TRAPPC9: variants seen among roughly 807,000 people sequenced by gnomAD.
TRAPPC9 encodes IKK2 binding protein.
Under a neutral mutation model 124.0 loss-of-function variants are expected in TRAPPC9, and 83 were observed. The observed-to-expected ratio is 0.67, with a 90% CI of 0.56 to 0.80. The LOEUF (loss-of-function observed/expected upper bound fraction) is 0.80. TRAPPC9 is among the 30% of genes least tolerant of loss of function. TRAPPC9 has a pLI of 0.00. For missense variants in TRAPPC9, 1,302 were observed against 1,508.3 expected, an observed-to-expected ratio of 0.86 and a Z score of 2.27; for synonymous variants, 638 against 617.5, an observed-to-expected ratio of 1.03 and a Z score of -0.49.
At chr8:139,960,922 C>T (rs1835337672) in intron 19 of TRAPPC9, among the ~76,000 whole-genome samples, 1 of 125,362 alleles carries the variant, frequency 8.0e-6, no homozygotes, top group South Asian at 2.6e-4. Context: ...GGTGGCTTAA[C>T]CCCTAACGTT....
intron 19 of TRAPPC9, among the ~76,000 whole-genome samples, chr8:139,987,834 C>T (rs1220126906): frequency 6.6e-6 from 1 of 152,162 alleles, no homozygotes; most frequent in Non-Finnish European, 1.5e-5. Flanking sequence ...CTGAGCTCCA[C>T]CTGCCTCCGG....
rs1011493401 is a variant in TRAPPC9 at position 139,735,399 on chromosome 8, T to C, written c.3056-3197A>G. Among the ~76,000 whole-genome samples, 8 of 152,316 alleles carry C rather than the reference T, an allele frequency of 5.3e-5. No homozygotes were observed. In the East Asian group the frequency reaches 1.4e-3, roughly 26 times the overall value. ...TCGTCTCCAGCCTTGGTTACCTGTCTGTGCTGTGCAACCCAGCACAGGGAG... is the reference window on the plus strand; with the variant it reads ...TCGTCTCCAGCCTTGGTTACCTGTCCGTGCTGTGCAACCCAGCACAGGGAG... On this transcript the variant is annotated intron_variant, in intron 21 of 22. Transcript: ENST00000438773.
chr8:140,426,731 G>A, intron 4 of TRAPPC9, 90 bp from the exon 5 acceptor site: 2 of 1,267,304 alleles, frequency 1.6e-6, no homozygotes, highest in Non-Finnish European at 2.3e-6. Flanking sequence ...AATTCACATA[G>A]CCTAGAGAAA....
intron 17 of TRAPPC9, among the ~76,000 whole-genome samples, chr8:140,133,592 T>A (rs1290742334): frequency 1.3e-5 from 2 of 152,010 alleles, no homozygotes; most frequent in African/African-American, 4.8e-5. Context: ...ATAAAAGGCA[T>A]CCAAATTAGA....
intron 19 of TRAPPC9, among the ~76,000 whole-genome samples, chr8:139,947,918 A>C (rs55894744): frequency 0.04 from 2,433 of 61,264 alleles, 220 homozygotes; most frequent in African/African-American, 0.11. Context: ...AGAGAGAGAG[A>C]GAGAGCGAGA....
intron 9 of TRAPPC9, among the ~76,000 whole-genome samples, chr8:140,326,742 G>A (rs554342634): frequency 3.3e-5 from 5 of 152,244 alleles, no homozygotes; most frequent in South Asian, 2.1e-4. Flanking sequence ...TTAGCTGGGC[G>A]TAATGGCATG....
chr8:139,885,980 G>C lies in TRAPPC9; in HGVS notation c.2965-11C>G. ...GCGCTTCAGGGAGGGGTGAGCCTTG[G>C]TCAAGGAAAACGCAACTCCTGCGGA... On this transcript the variant is annotated splice_polypyrimidine_tract_variant and intron_variant, in intron 20 of 22. Coordinates refer to ENST00000438773, the MANE Select transcript of TRAPPC9 (RefSeq NM_001160372.4). 1.3e-6 allele frequency: 2 copies of C among 1,559,740 alleles called. No homozygotes were observed. Among genetic ancestry groups the C allele is most frequent in the Admixed American group, 1.9e-5 (1 of 52,152 alleles).
intron 18 of TRAPPC9, among the ~76,000 whole-genome samples, chr8:139,998,267 A>C (rs1838168256): frequency 6.6e-6 from 1 of 152,276 alleles, no homozygotes; most frequent in African/African-American, 2.4e-5. Flanking sequence ...AAAATTAAGA[A>C]TCTCAGTCAT....
In TRAPPC9 at chr8:139,825,743, C is replaced by T. The variant is rs1053113931; in HGVS notation, c.3055+60136G>A. ...GATACCGCCGAGCAGCCAGCTTGCC[C>T]GGAAGGAAAAAGGGAGGCAATTCCG... On this transcript the variant is annotated intron_variant, in intron 21 of 22. Coordinates refer to ENST00000438773, the MANE Select transcript of TRAPPC9 (RefSeq NM_001160372.4). This position sits in a 1 kb window ranked among gnomAD's most constrained non-coding sequence, Gnocchi z 4.6. Among the ~76,000 whole-genome samples the T allele has an allele frequency of 1.6e-4, 25 of 151,932 alleles. No homozygotes were observed. The highest frequency in any genetic ancestry group is 7.4e-5 in the Non-Finnish European group (5 of 67,998).
chr8:140,137,806 G>T (rs1471940563), intron 17 of TRAPPC9, among the ~76,000 whole-genome samples: 2 of 152,148 alleles, frequency 1.3e-5, no homozygotes, highest in East Asian at 3.8e-4. Flanking sequence ...AAGTAACGAG[G>T]TTAGCATTTA....
intron 17 of TRAPPC9, among the ~76,000 whole-genome samples, chr8:140,120,622 G>A (rs139824591): frequency 1.2e-4 from 13 of 107,654 alleles, no homozygotes; most frequent in East Asian, 6.1e-4. Flanking sequence ...CCATCCATCC[G>A]TCCAACATCC....
chr8:139,842,939 G>A (rs1219088893), intron 21 of TRAPPC9, among the ~76,000 whole-genome samples: 1 of 152,252 alleles, frequency 6.6e-6, no homozygotes, highest in Non-Finnish European at 1.5e-5. Flanking sequence ...GGTCCGGGCA[G>A]GTGAAGGAAC....
At chr8:139,881,920 C>A (rs1829698681) in intron 21 of TRAPPC9, among the ~76,000 whole-genome samples, 1 of 152,200 alleles carries the variant, frequency 6.6e-6, no homozygotes, top group South Asian at 2.1e-4. Context: ...CTGAAGAGCT[C>A]CTGCCTGGGC....
chr8:140,156,665 A>G (rs1435380292), intron 17 of TRAPPC9, among the ~76,000 whole-genome samples: 1 of 152,214 alleles, frequency 6.6e-6, no homozygotes, highest in African/African-American at 2.4e-5. Context: ...CTGCAGAAAC[A>G]GAAGATGCAG....
intron 17 of TRAPPC9, among the ~76,000 whole-genome samples, chr8:140,133,364 G>A (rs143639805): frequency 6.5e-4 from 99 of 152,202 alleles, no homozygotes; most frequent in African/African-American, 1.7e-3. Flanking sequence ...ATCCTTTCAC[G>A]ATAAAACATA....
At chr8:140,342,970 A>G (rs1164429629) in intron 9 of TRAPPC9, among the ~76,000 whole-genome samples, 1 of 152,246 alleles carries the variant, frequency 6.6e-6, no homozygotes, top group East Asian at 1.9e-4. Flanking sequence ...CGAACCCCGT[A>G]TATTTTAGTC....
intron 17 of TRAPPC9, among the ~76,000 whole-genome samples, chr8:140,025,095 G>T (rs969457266): frequency 3.9e-5 from 6 of 152,226 alleles, no homozygotes; most frequent in African/African-American, 1.4e-4. Context: ...CACTCAGGAT[G>T]GCTGGGGACC....
At chr8:140,390,330 ATAAATATCAACTCCCACGAAATAAGTATC>A (rs1172574443) in intron 7 of TRAPPC9, among the ~76,000 whole-genome samples, 1 of 152,124 alleles carries the variant, frequency 6.6e-6, no homozygotes, top group Non-Finnish European at 1.5e-5. Context: ...ATAAAAAGAG[ATAAATATCAACTCCCACGAAATAAGTATC>A]TGCACCAACT....
In TRAPPC9 at chr8:139,730,953, G is replaced by C; in HGVS notation, c.*108C>G. On this transcript the variant is annotated 3_prime_UTR_variant, in exon 23 of 23. Transcript: ENST00000438773. The stretch of plus-strand genomic sequence containing the variant: ...AGAGGGCTGGGAGGGGTCTGGGGGA[G>C]GAGGAGGAGATGGGGCTGCAGTGAA... The C allele has an allele frequency of 8.0e-7, 1 of 1,254,296 alleles. No homozygotes were observed. Among genetic ancestry groups the C allele is most frequent in the South Asian group, 1.4e-5 (1 of 71,592 alleles). The allele number at this position is 1,254,296 out of a possible 1,614,324, so 77.7% of individuals were successfully genotyped here.
Sources: gnomAD v4.1 joint callset for allele counts (sites outside exome capture counted in the v4.1 genomes callset) on GRCh38, gnomAD v4.1.1 for gene constraint, Gnocchi (gnomAD v3.1) non-coding constraint, MANE v1.5 for transcripts, NCBI Gene and HGNC (gene_info 2026-07-23, HGNC 2026-07-21) for gene names.